COL24A1: variants seen among roughly 807,000 people sequenced by gnomAD.
COL24A1 encodes collagen alpha-1(XXIV) chain.
Under a neutral mutation model 253.9 loss-of-function variants are expected in COL24A1, and 224 were observed. The ratio of observed to expected loss-of-function variants is 0.88; its 90% CI spans 0.79 to 0.99. The LOEUF (loss-of-function observed/expected upper bound fraction) is 0.99, where lower values mean the gene tolerates loss of function less well. Ranked by LOEUF, COL24A1 falls within the 50% of genes least tolerant of loss-of-function variation. COL24A1 has a pLI of 0.00. For missense variants in COL24A1, 2,131 were observed against 2,068.5 expected (o/e 1.03, Z -0.59); for synonymous variants, 685 against 673.7 (o/e 1.02, Z -0.26).
chr1:85,887,355 A>G (rs1682632873), intron 32 of COL24A1, among the ~76,000 whole-genome samples: 1 of 152,292 alleles, frequency 6.6e-6, no homozygotes, highest in East Asian at 1.9e-4. Flanking sequence ...GCGATTGGGT[A>G]CAGTTGTGCA....
chr1:86,083,170 C>T (rs750910381), intron 7 of COL24A1, among the ~76,000 whole-genome samples: 1 of 151,870 alleles, frequency 6.6e-6, no homozygotes, highest in South Asian at 2.1e-4. Flanking sequence ...TGGTGGCGGG[C>T]GCCTGTAGTC....
intron 10 of COL24A1, among the ~76,000 whole-genome samples, chr1:86,051,080 T>C (rs544165718): frequency 2.6e-5 from 4 of 152,274 alleles, no homozygotes; most frequent in South Asian, 4.1e-4. Context: ...GGATACAGCA[T>C]ACAGCCATGA....
At chr1:86,130,677 T>C (rs1272268303) in intron 2 of COL24A1, among the ~76,000 whole-genome samples, 1 of 151,976 alleles carries the variant, frequency 6.6e-6, no homozygotes, top group Admixed American at 6.6e-5. Flanking sequence ...TAAATATCCT[T>C]ATATTTCTTT....
In COL24A1 at chr1:86,125,299, T is replaced by G; in HGVS notation, c.1037A>C (p.Asn346Thr). The stretch of plus-strand genomic sequence containing the variant: ...ATGAGTGGTCACTGACAGGCTGAAA[T>G]TTGTCTGAGTATCTTCCTCAGTGAT... ...EMITEEDTQT[N>T]FSLSVTTHRI... Residue 346 changes from asparagine to threonine, a missense_variant, in exon 3 of 60, where the codon AAT becomes ACT. By Grantham distance (65) the Asn-to-Thr change is moderately conservative (BLOSUM62 0). Coordinates refer to ENST00000370571, the MANE Select transcript of COL24A1 (RefSeq NM_152890.7). 1 of 1,613,674 alleles carries G rather than the reference T, an allele frequency of 6.2e-7. No homozygotes were observed. The highest frequency in any genetic ancestry group is 8.5e-7 in the Non-Finnish European group (1 of 1,179,794).
chr1:85,790,854 A>C (rs915803168), intron 47 of COL24A1, among the ~76,000 whole-genome samples: 1 of 152,184 alleles, frequency 6.6e-6, no homozygotes, highest in African/African-American at 2.4e-5. Flanking sequence ...GACTAGGCAC[A>C]TAATATAATA....
chr1:85,835,879 T>C (rs1160301503), intron 43 of COL24A1, among the ~76,000 whole-genome samples: 1 of 152,088 alleles, frequency 6.6e-6, no homozygotes, highest in Non-Finnish European at 1.5e-5. Flanking sequence ...TCTCGGAATA[T>C]TGAATATTTT....
At chr1:85,781,702 C>G (rs1386698990) in intron 51 of COL24A1, among the ~76,000 whole-genome samples, 1 of 152,114 alleles carries the variant, frequency 6.6e-6, no homozygotes, top group Non-Finnish European at 1.5e-5. Flanking sequence ...AGAAAAAGTA[C>G]AGTAAGGAAC....
At chr1:85,792,303 C>G (rs111843413) in intron 47 of COL24A1, among the ~76,000 whole-genome samples, 77 of 151,830 alleles carry the variant, frequency 5.1e-4, no homozygotes, top group Admixed American at 5.2e-4. Context: ...TGAATATCAT[C>G]TATGCATAAG....
intron 5 of COL24A1, among the ~76,000 whole-genome samples, chr1:86,092,551 A>T (rs1703578789): frequency 6.6e-6 from 1 of 151,914 alleles, no homozygotes; most frequent in African/African-American, 2.4e-5. Flanking sequence ...TGATTTTTTA[A>T]TCTAATAAAT....
At position 85,755,071 on chromosome 1, in the gene COL24A1, C is replaced by A. The variant is rs542996782; in HGVS notation, c.4437+6325G>T. Among the ~76,000 whole-genome samples the A allele has an allele frequency of 2.1e-3, 320 of 152,192 alleles. 2 individuals carry two copies. Among genetic ancestry groups the A allele is most frequent in the Non-Finnish European group, 3.2e-3 (220 of 68,024 alleles). Reference sequence around the variant, plus strand: ...AAAGCAGAGAGGAAGCTCATCATGTCCGAGAGATCTTCAACCAGATTAACA... The same window carrying A: ...AAAGCAGAGAGGAAGCTCATCATGTACGAGAGATCTTCAACCAGATTAACA... On this transcript the variant is annotated intron_variant, in intron 55 of 59. Coordinates refer to ENST00000370571, the MANE Select transcript of COL24A1 (RefSeq NM_152890.7).
At chr1:85,744,950 G>T in intron 56 of COL24A1, 116 bp from the exon 57 acceptor site, 1 of 729,076 alleles carries the variant, frequency 1.4e-6, no homozygotes, top group Non-Finnish European at 2.2e-6. Flanking sequence ...AGAATGTAAA[G>T]AACAGTTTAT....
At chr1:85,889,807 T>C (rs959069914) in intron 31 of COL24A1, among the ~76,000 whole-genome samples, 194 bp from the exon 32 acceptor site, 3 of 152,082 alleles carry the variant, frequency 2.0e-5, no homozygotes, top group Admixed American at 6.5e-5. Flanking sequence ...AAATGTAAAG[T>C]TTGTGGCAGT....
intron 14 of COL24A1, among the ~76,000 whole-genome samples, chr1:86,031,103 A>G (rs2101504324): frequency 6.6e-6 from 1 of 152,320 alleles, no homozygotes; most frequent in Middle Eastern, 3.4e-3. Flanking sequence ...TACACACAAT[A>G]GAATATTATT....
chr1:86,118,471 CA>C (rs1298164198), intron 3 of COL24A1, among the ~76,000 whole-genome samples: 1 of 152,060 alleles, frequency 6.6e-6, no homozygotes, highest in Non-Finnish European at 1.5e-5. Context: ...TTCAATAGTC[CA>C]ATACTTCTAA....
At chr1:85,800,559 C>T (rs1392422601) in intron 47 of COL24A1, among the ~76,000 whole-genome samples, 1 of 152,112 alleles carries the variant, frequency 6.6e-6, no homozygotes, top group Non-Finnish European at 1.5e-5. Context: ...ACAGATAAAC[C>T]TGGAGAATCA....
At chr1:86,061,207 GA>G (rs1454536484) in intron 8 of COL24A1, among the ~76,000 whole-genome samples, 1 of 152,010 alleles carries the variant, frequency 6.6e-6, no homozygotes, top group East Asian at 1.9e-4. Context: ...GCACTCCAAG[GA>G]AAGTCCTCTA....
At chr1:85,817,065 A>C (rs1435005899) in intron 46 of COL24A1, among the ~76,000 whole-genome samples, 170 bp from the exon 47 acceptor site, 1 of 152,220 alleles carries the variant, frequency 6.6e-6, no homozygotes, top group Non-Finnish European at 1.5e-5. Context: ...TTCAACAGAT[A>C]ACTTTAAAAG....
rs992654446 is a variant in COL24A1, at chr1:86,061,589, C to T, written c.1752+2126G>A. ...ATGCAGAGAAAGACACAAAAGAATT[C>T]CACTCAATGTCTAAGTTCTGCTATA... On this transcript the variant is annotated intron_variant, in intron 8 of 59. Coordinates refer to ENST00000370571, the MANE Select transcript of COL24A1 (RefSeq NM_152890.7). Among the ~76,000 whole-genome samples the T allele has an allele frequency of 2.0e-5, 3 of 152,120 alleles. No individual in the cohort carries two copies. In the East Asian group the frequency reaches 5.8e-4, roughly 29 times the overall value.
chr1:85,905,666 G>C (rs1288114152), intron 28 of COL24A1, among the ~76,000 whole-genome samples: 1 of 152,072 alleles, frequency 6.6e-6, no homozygotes, highest in Non-Finnish European at 1.5e-5. Flanking sequence ...GAGGAAAATA[G>C]ATCCTTGGGG....
Sources: allele counts gnomAD v4.1 joint callset (sites outside exome capture counted in the v4.1 genomes callset), GRCh38; gene constraint gnomAD v4.1.1; transcripts MANE v1.5; gene names NCBI Gene and HGNC (gene_info 2026-07-23, HGNC 2026-07-21).